The following SCAPER variants were observed in gnomAD, a reference collection of about 807,000 sequenced individuals.
SCAPER encodes the protein S-phase cyclin A associated protein in the ER.
In SCAPER, 98 loss-of-function variants were observed where a neutral mutation model predicts 182.2. The observed-to-expected ratio is 0.54, with a 90% CI of 0.46 to 0.64. The LOEUF (loss-of-function observed/expected upper bound fraction) is 0.64, where lower values mean the gene tolerates loss of function less well. Ranked by LOEUF, SCAPER falls within the 30% of genes least tolerant of loss-of-function variation. SCAPER has a pLI of 0.00. For missense variants in SCAPER, 1,432 were observed against 1,690.0 expected (o/e 0.85, Z 2.68); for synonymous variants, 605 against 564.6 (o/e 1.07, Z -1.01).
intron 20 of SCAPER, among the ~76,000 whole-genome samples, chr15:76,677,185 T>C (rs902325115): frequency 6.6e-6 from 1 of 152,128 alleles, no homozygotes; most frequent in South Asian, 2.1e-4. Context: ...TCCTTCCTAA[T>C]ATAATTTTTA....
intron 17 of SCAPER, among the ~76,000 whole-genome samples, chr15:76,718,285 G>C (rs2059998698): frequency 6.6e-6 from 1 of 152,098 alleles, no homozygotes; most frequent in Non-Finnish European, 1.5e-5. Context: ...AGTTGTAAGA[G>C]GGAAGTTTAT....
At chr15:76,357,681 C>T (rs919417474) in intron 29 of SCAPER, among the ~76,000 whole-genome samples, 5 of 152,114 alleles carry the variant, frequency 3.3e-5, no homozygotes, top group Admixed American at 3.3e-4. Flanking sequence ...GATGGACTAA[C>T]CTAAATGTCC....
At chr15:76,437,395 T>C (rs1486658725) in intron 25 of SCAPER, among the ~76,000 whole-genome samples, 2 of 152,216 alleles carry the variant, frequency 1.3e-5, no homozygotes, top group African/African-American at 4.8e-5. Context: ...TTCCTTCCTG[T>C]GCTCTTTCTT....
intron 20 of SCAPER, among the ~76,000 whole-genome samples, chr15:76,666,988 C>T (rs1475139339): frequency 1.3e-5 from 2 of 152,138 alleles, no homozygotes; most frequent in Admixed American, 6.5e-5. Context: ...TCAGTTTTCC[C>T]GTTTCTACTT....
rs1174765960 is a variant in SCAPER, at chr15:76,813,247, A to AC, written c.394-8615_394-8614insG. Among the ~76,000 whole-genome samples the AC allele has an allele frequency of 4.2e-4, 26 of 61,484 alleles. 1 individual carries two copies. The East Asian group carries it at 7.3e-3, about 17-fold the overall frequency. The allele number at this position is 61,484 out of a possible 152,430, so 40.3% of individuals were successfully genotyped here. On this transcript the variant is annotated intron_variant, in intron 5 of 31. Transcript: ENST00000563290. ...TTCACTAAAAAAAAAAAAAAAAAAA[A>AC]AAAAAAAACAACTCAACAAAATAGG...
At chr15:76,748,269 C>T (rs112572397) in intron 15 of SCAPER, among the ~76,000 whole-genome samples, 57,698 of 151,868 alleles carry the variant, frequency 0.38, 13,022 homozygotes, top group Middle Eastern at 0.53. Context: ...GGATTACAGG[C>T]GTGAGCCACC....
intron 25 of SCAPER, among the ~76,000 whole-genome samples, chr15:76,463,248 C>T (rs1281424589): frequency 6.6e-6 from 1 of 152,082 alleles, no homozygotes; most frequent in Non-Finnish European, 1.5e-5. Flanking sequence ...ATTTTTGCTC[C>T]CATGTAATTA....
chr15:76,646,037 C>A (rs1307642987), intron 21 of SCAPER, among the ~76,000 whole-genome samples: 2 of 152,120 alleles, frequency 1.3e-5, no homozygotes, highest in African/African-American at 4.8e-5. Flanking sequence ...TATGTCAATT[C>A]TTGTACCAAT....
chr15:76,421,267 T>A (rs535493821), intron 26 of SCAPER, among the ~76,000 whole-genome samples: 1 of 152,208 alleles, frequency 6.6e-6, no homozygotes, highest in Non-Finnish European at 1.5e-5. Context: ...TTTCTCCACA[T>A]CCTCTCCAGC....
intron 24 of SCAPER, among the ~76,000 whole-genome samples, chr15:76,489,898 T>C (rs1320108384): frequency 1.3e-5 from 2 of 152,200 alleles, no homozygotes; most frequent in African/African-American, 4.8e-5. Context: ...ATGGAGTATT[T>C]GTCCTTGTGT....
chr15:76,486,007 A>T (rs969085176), intron 24 of SCAPER, among the ~76,000 whole-genome samples: 2 of 152,130 alleles, frequency 1.3e-5, no homozygotes, highest in African/African-American at 4.8e-5. Context: ...GGAGAGCAAG[A>T]CCATCCTGGC....
chr15:76,809,279 G>A (rs2066414836), intron 5 of SCAPER, among the ~76,000 whole-genome samples: 1 of 152,130 alleles, frequency 6.6e-6, no homozygotes, highest in Non-Finnish European at 1.5e-5. Flanking sequence ...TAAACCTCCA[G>A]AAACTGATCC....
Position 76,381,375 on chromosome 15 carries a change from T to C in SCAPER, c.3705+3A>G, listed in dbSNP as rs3765115. 553,884 of 1,607,546 alleles carry C rather than the reference T, an allele frequency of 0.34. 99,181 individuals are homozygous for C. Among genetic ancestry groups the C allele is most frequent in the East Asian group, 0.58 (26,048 of 44,824 alleles). On this transcript the variant is annotated splice_donor_region_variant and intron_variant, in intron 28 of 31. Transcript: ENST00000563290. ...AACATCGATATAAACCAATACTTGG[T>C]ACCTGAAAAGCAGGCAGATGAAGAG... is the stretch of plus-strand genomic sequence containing the variant.
In SCAPER at chr15:76,391,377, TAG is replaced by T. The variant is rs541012424; in HGVS notation, c.3468-9764_3468-9763del. On this transcript the variant is annotated intron_variant, in intron 27 of 31. Transcript: ENST00000563290. ...TATTGGTTGATTGTTTTTTCCCCAT[TAG>T]ACTGTAAATTTCATCAGAGTGGTAT... Among the ~76,000 whole-genome samples, 15 of 152,328 alleles carry T rather than the reference TAG, an allele frequency of 9.8e-5. No homozygotes were observed. The South Asian group carries it at 2.9e-3, about 29-fold the overall frequency.
intron 21 of SCAPER, among the ~76,000 whole-genome samples, chr15:76,638,695 T>C (rs2053848442): frequency 1.3e-5 from 2 of 152,306 alleles, no homozygotes; most frequent in South Asian, 2.1e-4. Flanking sequence ...TTCCAATAAA[T>C]ACAAAATGAG....
rs993586866 is a variant in SCAPER, at chr15:76,641,465, C to T, written c.2646-19636G>A. 1.2e-4 allele frequency among the ~76,000 whole-genome samples: 19 copies of T among 152,062 alleles called. 1 individual carries two copies. The highest frequency in any genetic ancestry group is 4.1e-4 in the African/African-American group (17 of 41,470). The stretch of plus-strand genomic sequence containing the variant: ...TTGTTGGCACCACGGGACCACAAGG[C>T]GATGACCCCCTGGACCCAGCTTTCA... On this transcript the variant is annotated intron_variant, in intron 21 of 31. Coordinates refer to ENST00000563290, the MANE Select transcript of SCAPER (RefSeq NM_020843.4).
intron 4 of SCAPER, among the ~76,000 whole-genome samples, chr15:76,852,099 G>A (rs1467534989): frequency 6.6e-6 from 1 of 152,088 alleles, no homozygotes. Flanking sequence ...AAAAAAAAGG[G>A]CATTACATAA....
Position 76,771,908 on chromosome 15 carries a change from C to T in SCAPER, c.1082G>A (p.Arg361Gln), listed in dbSNP as rs201335823. Residue 361 changes from arginine to glutamine, a missense_variant, in exon 10 of 32, where the codon CGA becomes CAA. Physicochemically the swap from Arg to Gln is conservative, Grantham distance 43 (BLOSUM62 1). Transcript: ENST00000563290. ...TTCAGAAGTTCGAACATAATTGTCT[C>T]GAATACTGCCAGAATTCTTCACATC... ...LDDVKNSGSI[R>Q]DNYVRTSEIS... 7.4e-4 allele frequency: 1,190 copies of T among 1,612,234 alleles called. No homozygotes were observed. Among genetic ancestry groups the T allele is most frequent in the Non-Finnish European group, 8.9e-4 (1,054 of 1,179,310 alleles).
chr15:76,590,545 T>C (rs899549110), intron 22 of SCAPER, among the ~76,000 whole-genome samples: 1 of 152,104 alleles, frequency 6.6e-6, no homozygotes, highest in Admixed American at 6.5e-5. Context: ...AAACAGATGT[T>C]GATGGGGATG....
Sources: gnomAD v4.1 joint callset for allele counts (sites outside exome capture counted in the v4.1 genomes callset) on GRCh38, gnomAD v4.1.1 for gene constraint, MANE v1.5 for transcripts, NCBI Gene and HGNC (gene_info 2026-07-23, HGNC 2026-07-21) for gene names.